KPTN: variants seen among roughly 807,000 people sequenced by gnomAD.
KPTN encodes KICSTOR complex protein kaptin.
A neutral mutation model predicts 52.6 loss-of-function variants in KPTN; 36 were observed. That is an observed-to-expected ratio of 0.68 (90% CI 0.52 to 0.90). The LOEUF (loss-of-function observed/expected upper bound fraction) is 0.90. Among genes scored for constraint, KPTN ranks in the 40% least tolerant of loss-of-function variants. The pLI is 0.00. For missense variants in KPTN, 529 were observed against 576.2 expected, an observed-to-expected ratio of 0.92 and a Z score of 0.84; for synonymous variants, 271 against 248.4, an observed-to-expected ratio of 1.09 and a Z score of -0.85.
chr19:47,484,304 C>T, upstream of KPTN: 1 of 1,104,762 alleles, frequency 9.1e-7, no homozygotes, highest in Non-Finnish European at 1.2e-6. Flanking sequence ...TGCCCTCTCC[C>T]AAGATGGCGG....
chr19:47,479,986 C>T (rs756477514), intron 7 of KPTN, 46 bp from the exon 8 acceptor site: 3 of 1,497,488 alleles, frequency 2.0e-6, no homozygotes, highest in Non-Finnish European at 2.7e-6. Flanking sequence ...ACCCCGGTCC[C>T]GCCCGCAGCC....
chr19:47,475,516 A>G lies in KPTN; in HGVS notation c.1211T>C (p.Val404Ala), dbSNP rs1426683424. 1 of 1,613,288 alleles carries G rather than the reference A, an allele frequency of 6.2e-7. No homozygotes were observed. The highest frequency in any genetic ancestry group is 1.7e-5 in the Admixed American group (1 of 59,990). Residue 404 changes from valine (V) to alanine (A), a missense_variant, in exon 12 of 12, where the codon GTC becomes GCC. Val to Ala is a moderately conservative substitution (Grantham distance 64). Coordinates refer to ENST00000338134, the MANE Select transcript of KPTN (RefSeq NM_007059.4). ...CACTTGATGTCGAAGCCGGGTCAAG[A>G]CCAGCTCTGAGGCCTGAATCAGGCT... ...QHSLIQASEL[V>A]LTRLRHQVEQ...
chr19:47,475,808 A>C (rs561949478), intron 11 of KPTN, among the ~76,000 whole-genome samples: 1 of 152,030 alleles, frequency 6.6e-6, no homozygotes, highest in East Asian at 1.9e-4. Context: ...AAGGAATATA[A>C]AATTTAGCCA....
intron 11 of KPTN, 109 bp from the exon 12 acceptor site, chr19:47,475,653 G>T: frequency 7.5e-7 from 1 of 1,328,946 alleles, no homozygotes; most frequent in Non-Finnish European, 1.0e-6. Flanking sequence ...CGGCCCACGT[G>T]GGAGGGCAGA....
Position 47,480,335 on chromosome 19 carries a change from A to AT in KPTN, c.671_672insA (p.Tyr225LeufsTer48). Reference sequence around the variant, plus strand: ...GGTCCACGTGGGCGACACGGACATAACCACTCTGACAGCCCAGAGCTGAGA... The same window carrying AT: ...GGTCCACGTGGGCGACACGGACATAATCCACTCTGACAGCCCAGAGCTGAGA... On this transcript the variant is annotated frameshift_variant, in exon 7 of 12. Coordinates refer to ENST00000338134, the MANE Select transcript of KPTN (RefSeq NM_007059.4). LOFTEE classifies it high-confidence loss of function. 6.5e-7 allele frequency: 1 copy of AT among 1,549,132 alleles called. No homozygotes were observed. The highest frequency in any genetic ancestry group is 8.7e-7 in the Non-Finnish European group (1 of 1,146,310).
chr19:47,479,200 G>A (rs1008470792), intron 8 of KPTN, among the ~76,000 whole-genome samples: 1 of 152,110 alleles, frequency 6.6e-6, no homozygotes, highest in East Asian at 1.9e-4. Flanking sequence ...CCGCCACCAC[G>A]CTCCACTAAT....
At position 47,475,247 on chromosome 19, in the gene KPTN, A is replaced by G. The variant is rs1433844703; in HGVS notation, c.*169T>C. ...ATCATCCCTGCTTTCAAATAGGGACATTGACGTACAGAGAGAGGAGTGGGT... is the reference window on the plus strand; with the variant it reads ...ATCATCCCTGCTTTCAAATAGGGACGTTGACGTACAGAGAGAGGAGTGGGT... On this transcript the variant is annotated 3_prime_UTR_variant, in exon 12 of 12. Coordinates refer to ENST00000338134, the MANE Select transcript of KPTN (RefSeq NM_007059.4). 5 of 613,776 alleles carry G rather than the reference A, an allele frequency of 8.1e-6. No homozygotes were observed. The highest frequency in any genetic ancestry group is 3.1e-5 in the East Asian group (1 of 32,582). 38.0% of individuals were successfully genotyped at this position (613,776 alleles called of 1,614,324 possible).
chr19:47,477,030 C>T, intron 9 of KPTN, 92 bp from the exon 10 acceptor site: 1 of 1,310,476 alleles, frequency 7.6e-7, no homozygotes, highest in Non-Finnish European at 1.1e-6. Context: ...GTACTGCTTC[C>T]CTTCTCAGGC....
Position 47,475,365 on chromosome 19 carries a change from T to C in KPTN, c.*51A>G, listed in dbSNP as rs754558814. ...GACACCCCCCACCAGCGGCTGGAGG[T>C]GAGCACGCCATGAGTCGCCCCAGGT... On this transcript the variant is annotated 3_prime_UTR_variant, in exon 12 of 12. Transcript: ENST00000338134. The C allele has an allele frequency of 6.3e-7, 1 of 1,588,828 alleles. No individual in the cohort carries two copies. The highest frequency in any genetic ancestry group is 8.6e-7 in the Non-Finnish European group (1 of 1,165,594).
At chr19:47,476,485 G>C (rs765024322) in intron 11 of KPTN, 47 bp downstream of exon 11, 1 of 1,524,280 alleles carries the variant, frequency 6.6e-7, no homozygotes, top group Non-Finnish European at 8.9e-7. Flanking sequence ...CCCCCTGCTC[G>C]AAACTGCTGA....
Position 47,479,858 on chromosome 19 carries a change from C to G in KPTN, c.787+5G>C. 6.2e-7 allele frequency: 1 copy of G among 1,612,296 alleles called. No individual in the cohort carries two copies. Among genetic ancestry groups the G allele is most frequent in the South Asian group, 1.1e-5 (1 of 90,926 alleles). Reference sequence around the variant, plus strand: ...TCTCCCCATCCCCTCAAACCCAGAGCTCACCCTTGGCGGCCGAGAGGCTGA... The same window carrying G: ...TCTCCCCATCCCCTCAAACCCAGAGGTCACCCTTGGCGGCCGAGAGGCTGA... On this transcript the variant is annotated splice_donor_5th_base_variant and intron_variant, in intron 8 of 11. Coordinates refer to ENST00000338134, the MANE Select transcript of KPTN (RefSeq NM_007059.4).
rs115240217 is a variant in KPTN at position 47,479,374 on chromosome 19, A to G, written c.787+489T>C. ...AAAATGCCAGTCAGGGACAGACCCCAGTAAAGGAGCAGGAATGATCAACAT... is the reference window on the plus strand; with the variant it reads ...AAAATGCCAGTCAGGGACAGACCCCGGTAAAGGAGCAGGAATGATCAACAT... On this transcript the variant is annotated intron_variant, in intron 8 of 11. Coordinates refer to ENST00000338134, the MANE Select transcript of KPTN (RefSeq NM_007059.4). Among the ~76,000 whole-genome samples, 1,195 of 152,332 alleles carry G rather than the reference A, an allele frequency of 7.8e-3. 9 individuals carry two copies. Among genetic ancestry groups the G allele is most frequent in the African/African-American group, 0.027 (1,136 of 41,570 alleles).
In KPTN at chr19:47,475,500, T is replaced by C. The variant is rs1201248286; in HGVS notation, c.1227A>G (p.Arg409=). 1 of 1,613,434 alleles carries C rather than the reference T, an allele frequency of 6.2e-7. No homozygotes were observed. Among genetic ancestry groups the C allele is most frequent in the East Asian group, 2.2e-5 (1 of 44,858 alleles). ...QASELVLTRL[R]HQVEQRRRRL... ...GACGTCTCCTCTGCTCCACTTGATG[T>C]CGAAGCCGGGTCAAGACCAGCTCTG... Residue 409 remains arginine (R), a synonymous_variant, in exon 12 of 12, where the codon CGA becomes CGG. Transcript: ENST00000338134.
Position 47,484,078 on chromosome 19 carries a change from A to C in KPTN, c.83T>G (p.Val28Gly). The C allele has an allele frequency of 6.2e-7, 1 of 1,609,624 alleles. No homozygotes were observed. The highest frequency in any genetic ancestry group is 8.5e-7 in the Non-Finnish European group (1 of 1,179,818). Reference sequence around the variant, plus strand: ...GCCGGCGCCGCCTGCCAGCCCGTACACATTGCTCTGCGACGAGAAGCGCGT... The same window carrying C: ...GCCGGCGCCGCCTGCCAGCCCGTACCCATTGCTCTGCGACGAGAAGCGCGT... ...SFTRFSSQSN[V>G]YGLAGGAGGR... The change falls in exon 1 of 12, where the codon GTG (valine) becomes GGG (glycine). Residue 28 changes from valine (V) to glycine (G), a missense_variant. Coordinates refer to ENST00000338134, the MANE Select transcript of KPTN (RefSeq NM_007059.4).
chr19:47,477,460 T>C (rs1422412913), intron 9 of KPTN, among the ~76,000 whole-genome samples: 2 of 152,158 alleles, frequency 1.3e-5, no homozygotes, highest in African/African-American at 4.8e-5. Context: ...TTAACCATTT[T>C]CCAGCATACC....
In KPTN at chr19:47,483,126, A is replaced by T. The variant is rs369934292; in HGVS notation, c.449+35T>A. On this transcript the variant is annotated intron_variant, in intron 4 of 11. Coordinates refer to ENST00000338134, the MANE Select transcript of KPTN (RefSeq NM_007059.4). Reference sequence around the variant, plus strand: ...GAGAAGCCAGGGTTTCTACATTTACAGTGGAGTGGGCGTCGATGCGCAGGG... The same window carrying T: ...GAGAAGCCAGGGTTTCTACATTTACTGTGGAGTGGGCGTCGATGCGCAGGG... The T allele has an allele frequency of 2.2e-5, 35 of 1,601,122 alleles. No homozygotes were observed. The Admixed American group carries it at 3.0e-4, about 14-fold the overall frequency.
In KPTN at chr19:47,480,310, G is replaced by A. The variant is rs1449008571; in HGVS notation, c.697C>T (p.Gln233Ter). ...SGYVRVAHVDQRSREVLQMWS... is the reference protein window; with the variant it reads ...SGYVRVAHVD ...CCGCGGCCCTCACCTCGACTCCGCT[G>A]GTCCACGTGGGCGACACGGACATAA... Residue 233 changes from glutamine (Q) to a stop codon, truncating the protein, a stop_gained, in exon 7 of 12, where the codon CAG becomes TAG. Transcript: ENST00000338134. LOFTEE classifies it high-confidence loss of function. The A allele has an allele frequency of 6.5e-7, 1 of 1,546,880 alleles. No individual in the cohort carries two copies. The highest frequency in any genetic ancestry group is 1.4e-5 in the African/African-American group (1 of 71,782).
chr19:47,480,081 C>A, intron 7 of KPTN, 141 bp from the exon 8 acceptor site: 1 of 622,522 alleles, frequency 1.6e-6, no homozygotes, highest in South Asian at 1.8e-5. Flanking sequence ...CCTAGCCCCG[C>A]CCCCAATCCC....
At chr19:47,484,320 T>C (rs929058069), upstream of KPTN, 3 of 934,722 alleles carry the variant, frequency 3.2e-6, no homozygotes, top group African/African-American at 1.7e-5. Context: ...GGCGGCCAGG[T>C]CGCCTGCTCG....
Sources: gnomAD v4.1 joint callset for allele counts (sites outside exome capture counted in the v4.1 genomes callset) on GRCh38, gnomAD v4.1.1 for gene constraint, MANE v1.5 for transcripts, NCBI Gene and HGNC (gene_info 2026-07-23, HGNC 2026-07-21) for gene names.